The following RP1L1 variants were observed in gnomAD, a reference collection of about 807,000 sequenced individuals.
RP1L1 encodes the protein retinitis pigmentosa 1-like 1 protein.
RP1L1 carries 27 observed loss-of-function variants against 15.7 expected under a neutral mutation model. That is an observed-to-expected ratio of 1.72 (90% CI 1.27 to 2.38). The LOEUF (loss-of-function observed/expected upper bound fraction) is 2.38, where lower values mean the gene tolerates loss of function less well. RP1L1 is among the 30% of genes most tolerant of loss of function. RP1L1 has a pLI of 0.00. For synonymous variants in RP1L1, 1,813 were observed against 1,276.7 expected (o/e 1.42, Z -8.96); for missense variants, 4,798 against 3,075.9 (o/e 1.56, Z -13.24).
chr8:10,636,385 G>A (rs889218900), intron 1 of RP1L1, among the ~76,000 whole-genome samples: 1 of 152,212 alleles, frequency 6.6e-6, no homozygotes, highest in Non-Finnish European at 1.5e-5. Context: ...CAGCTGTGAA[G>A]CCTTGGAGGA....
At chr8:10,630,887 G>A (rs1051566143) in intron 1 of RP1L1, among the ~76,000 whole-genome samples, 6 of 152,206 alleles carry the variant, frequency 3.9e-5, no homozygotes, top group South Asian at 2.1e-4. Context: ...ACTGGTCATC[G>A]CAGCGGGAGA....
chr8:10,643,493 A>C (rs999751464), intron 1 of RP1L1, among the ~76,000 whole-genome samples: 5 of 152,208 alleles, frequency 3.3e-5, no homozygotes, highest in African/African-American at 1.2e-4. Flanking sequence ...AATCTGCCAT[A>C]AATTACCTCA....
Position 10,611,164 on chromosome 8 carries a change from CTCG to C in RP1L1, c.2931_2933del (p.Asp977del), listed in dbSNP as rs766763139. The C allele has an allele frequency of 1.1e-4, 170 of 1,612,842 alleles. No homozygotes were observed. The highest frequency in any genetic ancestry group is 1.4e-4 in the Non-Finnish European group (168 of 1,180,040). ...GGCCACCCCCAGCTGCACCTGTGGT[CTCG>C]TCCGCCAACTCATATGTCATGAGTA... On this transcript the variant is annotated inframe_deletion, in exon 4 of 4. Transcript: ENST00000382483.
chr8:10,653,002 G>A (rs1032087255), intron 1 of RP1L1, among the ~76,000 whole-genome samples: 12 of 152,182 alleles, frequency 7.9e-5, no homozygotes, highest in Admixed American at 2.0e-4. Flanking sequence ...AATCAACTCC[G>A]GGTCTGAGGC....
At chr8:10,630,900 T>A (rs945937092) in intron 1 of RP1L1, among the ~76,000 whole-genome samples, 14 of 151,966 alleles carry the variant, frequency 9.2e-5, no homozygotes, top group African/African-American at 3.4e-4. Flanking sequence ...GCGGGAGAAA[T>A]TGGATGAGAC....
chr8:10,606,866 C>G lies in RP1L1; in HGVS notation c.*29G>C. Reference sequence around the variant, plus strand: ...TATGAATAAAAACAGAGCTCCCAAGCTCGTGATTGTTTTCTAGCTTGATCT... The same window carrying G: ...TATGAATAAAAACAGAGCTCCCAAGGTCGTGATTGTTTTCTAGCTTGATCT... On this transcript the variant is annotated 3_prime_UTR_variant, in exon 4 of 4. Transcript: ENST00000382483. The G allele has an allele frequency of 2.5e-6, 4 of 1,613,560 alleles. No homozygotes were observed. The highest frequency in any genetic ancestry group is 3.4e-6 in the Non-Finnish European group (4 of 1,180,026).
Position 10,623,136 on chromosome 8 carries a change from A to T in RP1L1, c.66T>A (p.Ala22=). The change falls in exon 2 of 4, where the codon GCT becomes GCA. Residue 22 remains alanine (A), a synonymous_variant. Transcript: ENST00000382483. The part of the protein sequence containing the change: ...SHRECFLPSV[A]RTPSVTKVTP... Reference sequence around the variant, plus strand: ...TGACCTTGGTGACCGAGGGGGTGCGAGCCACAGAGGGCAGGAAGCACTCAC... The same window carrying T: ...TGACCTTGGTGACCGAGGGGGTGCGTGCCACAGAGGGCAGGAAGCACTCAC... The T allele has an allele frequency of 6.2e-7, 1 of 1,608,422 alleles. No individual in the cohort carries two copies. Among genetic ancestry groups the T allele is most frequent in the South Asian group, 1.1e-5 (1 of 89,978 alleles).
In RP1L1 at chr8:10,610,175, T is replaced by TA. The variant is rs1431696288; in HGVS notation, c.3922_3923insT (p.Glu1308ValfsTer19). The TA allele has an allele frequency of 2.2e-6, 2 of 917,582 alleles. No homozygotes were observed. The highest frequency in any genetic ancestry group is 5.2e-5 in the African/African-American group (2 of 38,558). 56.8% of individuals were successfully genotyped at this position (917,582 alleles called of 1,614,324 possible). A position where few individuals can be genotyped will look rare whatever the true frequency, so the allele number is the denominator to read the frequency against. On this transcript the variant is annotated frameshift_variant, in exon 4 of 4. Coordinates refer to ENST00000382483, the MANE Select transcript of RP1L1 (RefSeq NM_178857.6). LOFTEE classifies it low-confidence loss of function (END_TRUNC). ...TTGCAGCCCTTCTCCTTCTGTTCCT[T>TA]CTTTAGTTTCCTCTAATTGCACCTC...
intron 3 of RP1L1, among the ~76,000 whole-genome samples, chr8:10,613,591 C>T (rs1381695042): frequency 1.1e-5 from 1 of 92,758 alleles, no homozygotes; most frequent in African/African-American, 4.2e-5. Flanking sequence ...TAGTGAGACA[C>T]CATCTCTCCA....
chr8:10,637,280 C>T (rs577055828), intron 1 of RP1L1, among the ~76,000 whole-genome samples: 1 of 152,210 alleles, frequency 6.6e-6, no homozygotes, highest in Non-Finnish European at 1.5e-5. Context: ...TGGCAAGGTC[C>T]TCTCACCCCA....
chr8:10,654,271 A>G (rs1049878397), intron 1 of RP1L1, among the ~76,000 whole-genome samples: 27 of 152,068 alleles, frequency 1.8e-4, no homozygotes, highest in African/African-American at 6.5e-4. Flanking sequence ...CCATGACTTC[A>G]TCTGTCCGGG....
intron 1 of RP1L1, among the ~76,000 whole-genome samples, chr8:10,630,878 C>T (rs921821396): frequency 6.6e-5 from 10 of 152,234 alleles, no homozygotes; most frequent in African/African-American, 2.4e-4. Flanking sequence ...TCATAAGAGA[C>T]TGGTCATCGC....
At chr8:10,639,548 C>G (rs994969401) in intron 1 of RP1L1, among the ~76,000 whole-genome samples, 2 of 152,022 alleles carry the variant, frequency 1.3e-5, no homozygotes, top group Non-Finnish European at 2.9e-5. Flanking sequence ...AATTTTTGAA[C>G]TTTTTGTAGA....
At chr8:10,625,653 T>G (rs943061933) in intron 1 of RP1L1, among the ~76,000 whole-genome samples, 1 of 152,060 alleles carries the variant, frequency 6.6e-6, no homozygotes, top group East Asian at 1.9e-4. Context: ...CCTCATCAGG[T>G]GCGGGCAGGT....
chr8:10,623,278 G>A (rs1456231469), intron 1 of RP1L1, 58 bp from the exon 2 acceptor site: 9 of 1,312,134 alleles, frequency 6.9e-6, no homozygotes, highest in South Asian at 2.9e-5. Context: ...GGCATTTCCT[G>A]TCTCTTCCCG....
In RP1L1 at chr8:10,612,176, T is replaced by G; in HGVS notation, c.1922A>C (p.His641Pro). The change falls in exon 4 of 4, where the codon CAC becomes CCC. Residue 641 changes from histidine to proline, a missense_variant. Physicochemically the swap from His to Pro is moderately conservative, Grantham distance 77. Transcript: ENST00000382483. ...GGACATTGCACTGGCCCGGCTTCTG[T>G]GCCTTCTCTGCCCCTGCTGGGATGA... ...CTSSQQGQRR[H>P]RSRASAMSSP... 6.2e-7 allele frequency: 1 copy of G among 1,613,326 alleles called. No homozygotes were observed.
intron 1 of RP1L1, among the ~76,000 whole-genome samples, chr8:10,626,409 A>T (rs909855261): frequency 6.6e-6 from 1 of 152,192 alleles, no homozygotes; most frequent in Admixed American, 6.5e-5. Flanking sequence ...GGAAGCTCAC[A>T]TGTCCCCAGA....
At chr8:10,621,581 C>A (rs1798059622) in intron 2 of RP1L1, 1 of 400,562 alleles carries the variant, frequency 2.5e-6, no homozygotes. Context: ...CTGCCTCAGC[C>A]TCCCAAAGTG....
At chr8:10,651,798 T>G (rs1586007526) in intron 1 of RP1L1, among the ~76,000 whole-genome samples, 1 of 148,114 alleles carries the variant, frequency 6.8e-6, no homozygotes, top group African/African-American at 2.5e-5. Context: ...GAGCTGTTGC[T>G]CCATGACTGT....
Sources: allele counts gnomAD v4.1 joint callset (sites outside exome capture counted in the v4.1 genomes callset), GRCh38; gene constraint gnomAD v4.1.1; transcripts MANE v1.5; gene names NCBI Gene and HGNC (gene_info 2026-07-23, HGNC 2026-07-21).